Variants in BMP2K observed in about 807,000 individuals in gnomAD.
BMP2K encodes BMP2 inducible kinase.
A neutral mutation model predicts 116.0 loss-of-function variants in BMP2K; 74 were observed. The ratio of observed to expected loss-of-function variants is 0.64; its 90% CI spans 0.53 to 0.77. BMP2K has a LOEUF of 0.77. BMP2K is among the 30% of genes least tolerant of loss of function. The probability of loss-of-function intolerance (pLI) is 0.00; values close to 1 mark genes in which losing one functional copy is unlikely to be tolerated. For missense variants in BMP2K, 1,365 were observed against 1,403.6 expected (o/e 0.97, Z 0.44); for synonymous variants, 486 against 502.5 (o/e 0.97, Z 0.44).
At chr4:78,907,149 A>T (rs944442117) in intron 15 of BMP2K, among the ~76,000 whole-genome samples, 3 of 152,196 alleles carry the variant, frequency 2.0e-5, no homozygotes, top group African/African-American at 4.8e-5. Context: ...TCATATTTCT[A>T]TCAGAATAAA....
At chr4:78,869,052 T>A (rs1179149767) in intron 10 of BMP2K, among the ~76,000 whole-genome samples, 1 of 152,208 alleles carries the variant, frequency 6.6e-6, no homozygotes, top group African/African-American at 2.4e-5. Context: ...GACCCCACAT[T>A]TCCCTTCTGC....
At chr4:78,887,098 A>G in intron 14 of BMP2K, 76 bp from the exon 15 acceptor site, 1 of 1,005,018 alleles carries the variant, frequency 1.0e-6, no homozygotes, top group Non-Finnish European at 1.5e-6. Context: ...TTTTATTTAT[A>G]TGTATATCAC....
intron 2 of BMP2K, among the ~76,000 whole-genome samples, chr4:78,827,832 T>G (rs1295202542): frequency 6.6e-6 from 1 of 152,232 alleles, no homozygotes; most frequent in African/African-American, 2.4e-5. Context: ...ACGTTTTTAC[T>G]TTCTTTGATC....
intron 1 of BMP2K, among the ~76,000 whole-genome samples, chr4:78,779,974 T>C (rs564470234): frequency 6.6e-6 from 1 of 152,270 alleles, no homozygotes; most frequent in South Asian, 2.1e-4. Context: ...CTTTGGTCTG[T>C]AGAAATGAGG....
chr4:78,835,614 C>A (rs1447860181), intron 3 of BMP2K, among the ~76,000 whole-genome samples: 1 of 131,874 alleles, frequency 7.6e-6, no homozygotes, highest in Non-Finnish European at 1.5e-5. Flanking sequence ...GGGCACATAG[C>A]GAGACTCCGT....
intron 14 of BMP2K, chr4:78,879,400 A>G (rs1277896736): frequency 1.0e-6 from 1 of 985,858 alleles, no homozygotes; most frequent in Non-Finnish European, 1.2e-6. Flanking sequence ...TTGTCCTGAT[A>G]TGGCAAAAAT....
At chr4:78,887,126 A>T (rs973715377) in intron 14 of BMP2K, 48 bp from the exon 15 acceptor site, 2 of 1,305,526 alleles carry the variant, frequency 1.5e-6, no homozygotes, top group Non-Finnish European at 2.1e-6. Context: ...TTTAAAGATC[A>T]TTTTTATTTC....
chr4:78,858,983 C>T (rs1017093042), intron 7 of BMP2K, among the ~76,000 whole-genome samples: 1 of 151,786 alleles, frequency 6.6e-6, no homozygotes, highest in Non-Finnish European at 1.5e-5. Context: ...GAAATCTGTT[C>T]ATAAAAACCA....
chr4:78,816,692 G>A lies in BMP2K; in HGVS notation c.179-9345G>A, dbSNP rs114564769. 4.4e-3 allele frequency among the ~76,000 whole-genome samples: 674 copies of A among 152,248 alleles called. 1 individual carries two copies. Among genetic ancestry groups the A allele is most frequent in the African/African-American group, 0.015 (636 of 41,554 alleles). ...CTAAATTAATTTCTTGTAGTGAATC[G>A]ATCACTTTTACTTGTCATGTCAAAG... is the stretch of plus-strand genomic sequence containing the variant. On this transcript the variant is annotated intron_variant, in intron 1 of 15. Coordinates refer to ENST00000502613, the MANE Select transcript of BMP2K (RefSeq NM_198892.2).
intron 15 of BMP2K, among the ~76,000 whole-genome samples, chr4:78,909,900 G>A (rs529066446): frequency 5.3e-5 from 8 of 152,170 alleles, no homozygotes; most frequent in Non-Finnish European, 7.3e-5. Context: ...AGAAAATGAA[G>A]TGACTGAATG....
chr4:78,855,041 C>G lies in BMP2K; in HGVS notation c.883+3985C>G, dbSNP rs560157243. 8.5e-5 allele frequency among the ~76,000 whole-genome samples: 13 copies of G among 152,098 alleles called. No individual in the cohort carries two copies. The South Asian group carries it at 2.5e-3, about 29-fold the overall frequency. On this transcript the variant is annotated intron_variant, in intron 7 of 15. Coordinates refer to ENST00000502613, the MANE Select transcript of BMP2K (RefSeq NM_198892.2). ...CTACTTGTAGAGAGAGGGCTCTGATCAGTAACTTTTCGGGGTAGTTACCAG... is the reference window on the plus strand; with the variant it reads ...CTACTTGTAGAGAGAGGGCTCTGATGAGTAACTTTTCGGGGTAGTTACCAG...
chr4:78,872,213 G>A (rs1005516366), intron 12 of BMP2K: 10 of 307,776 alleles, frequency 3.2e-5, no homozygotes, highest in South Asian at 7.9e-5. Flanking sequence ...ATAGTCTTTC[G>A]TCACATGTCT....
rs761301053 is a variant in BMP2K at position 78,911,188 on chromosome 4, C to T, written c.2641C>T (p.Pro881Ser). Residue 881 changes from proline to serine, a missense_variant, in exon 16 of 16, where the codon CCT becomes TCT. By Grantham distance (74) the Pro-to-Ser change is moderately conservative. Around this residue, in one of 3 missense-constraint regions of BMP2K, gnomAD observed 596 missense variants for 623.2 expected, o/e 0.96. Coordinates refer to ENST00000502613, the MANE Select transcript of BMP2K (RefSeq NM_198892.2). Reference sequence around the variant, plus strand: ...GCAAGAAAAGAATGAAAAGAACCTCCCTCAACACAGGTTTCCTGCTGCAGG... The same window carrying T: ...GCAAGAAAAGAATGAAAAGAACCTCTCTCAACACAGGTTTCCTGCTGCAGG... ...PQQEKNEKNL[P>S]QHRFPAAGLE... 20 of 1,613,638 alleles carry T rather than the reference C, an allele frequency of 1.2e-5. No individual in the cohort carries two copies. In the South Asian group the frequency reaches 2.2e-4, roughly 18 times the overall value.
chr4:78,793,119 A>G (rs1459687709), intron 1 of BMP2K, among the ~76,000 whole-genome samples: 2 of 152,156 alleles, frequency 1.3e-5, no homozygotes, highest in Non-Finnish European at 2.9e-5. Context: ...TTTTTATTAA[A>G]TTGTTATGTA....
Position 78,871,009 on chromosome 4 carries a change from G to GCAGCAC in BMP2K, c.1460_1461insGCACCA (p.Gln486_His487insGlnHis), listed in dbSNP as rs778282890. 19 of 1,563,324 alleles carry GCAGCAC rather than the reference G, an allele frequency of 1.2e-5. No homozygotes were observed. In the African/African-American group the frequency reaches 2.3e-4, roughly 19 times the overall value. On this transcript the variant is annotated inframe_insertion, in exon 11 of 16. Transcript: ENST00000502613. ...AGCAGCAGCAGCAGCAGCAGCAGCA[G>GCAGCAC]CACCACCACCACCACCACCACCACC...
At chr4:78,847,152 A>C (rs1214616401) in intron 5 of BMP2K, 36 bp from the exon 6 acceptor site, 1 of 1,143,846 alleles carries the variant, frequency 8.7e-7, no homozygotes, top group Non-Finnish European at 1.2e-6. Context: ...ATATATATAT[A>C]TATATCTCCA....
chr4:78,792,881 A>C (rs2109936990), intron 1 of BMP2K, among the ~76,000 whole-genome samples: 1 of 152,338 alleles, frequency 6.6e-6, no homozygotes, highest in South Asian at 2.1e-4. Context: ...ATTCATAGTT[A>C]TCTGAAAAGA....
Position 78,871,123 on chromosome 4 carries a change from A to T in BMP2K, c.1509+63A>T, listed in dbSNP as rs1732336395. ...AAATTGATGCAGCAAATTGAATATC[A>T]GTGAATTCCTTTTTGTATCATGGGC... On this transcript the variant is annotated intron_variant, in intron 11 of 15. Coordinates refer to ENST00000502613, the MANE Select transcript of BMP2K (RefSeq NM_198892.2). 3.2e-6 allele frequency: 5 copies of T among 1,572,416 alleles called. No homozygotes were observed. In the East Asian group the frequency reaches 6.7e-5, roughly 21 times the overall value.
At chr4:78,885,487 G>A (rs1733030550) in intron 14 of BMP2K, among the ~76,000 whole-genome samples, 1 of 152,132 alleles carries the variant, frequency 6.6e-6, no homozygotes, top group Non-Finnish European at 1.5e-5. Context: ...TACATTAAAT[G>A]TAAAAAGCAC....
Sources: gnomAD v4.1 joint callset for allele counts (sites outside exome capture counted in the v4.1 genomes callset) on GRCh38, gnomAD v4.1.1 for gene constraint, gnomAD v4.1.1 regional missense constraint, MANE v1.5 for transcripts, NCBI Gene and HGNC (gene_info 2026-07-23, HGNC 2026-07-21) for gene names.